TTC39B: variants seen among roughly 807,000 people sequenced by gnomAD.
TTC39B encodes tetratricopeptide repeat domain 39B, also known as tetratricopeptide repeat protein 39B.
In TTC39B, 92 loss-of-function variants were observed where a neutral mutation model predicts 96.6. The ratio of observed to expected loss-of-function variants is 0.95; its 90% CI spans 0.80 to 1.13. The LOEUF is 1.13. Among genes scored for constraint, TTC39B ranks in the 50% most tolerant of loss-of-function variants. The pLI is 0.00. For synonymous variants in TTC39B, 367 were observed against 299.4 expected (o/e 1.23, Z -2.33); for missense variants, 955 against 809.3 (o/e 1.18, Z -2.18).
Position 15,200,870 on chromosome 9 carries a change from G to T in TTC39B, c.760-945C>A, listed in dbSNP as rs192046173. ...AGAAAGTAGCCGGGCATGGTGGCGGGTGCCTGTAGTCGCAGCTACTCAGGA... is the reference window on the plus strand; with the variant it reads ...AGAAAGTAGCCGGGCATGGTGGCGGTTGCCTGTAGTCGCAGCTACTCAGGA... On this transcript the variant is annotated intron_variant, in intron 7 of 19. Coordinates refer to ENST00000512701, the Ensembl canonical transcript of TTC39B. Among the ~76,000 whole-genome samples the T allele has an allele frequency of 6.1e-3, 934 of 152,256 alleles. 10 individuals are homozygous for T. The highest frequency in any genetic ancestry group is 0.021 in the African/African-American group (880 of 41,548).
At chr9:15,307,061 C>A in intron 1 of TTC39B, 23 bp downstream of exon 1, 1 of 1,607,506 alleles carries the variant, frequency 6.2e-7, no homozygotes, top group Non-Finnish European at 8.5e-7. Context: ...GGGGCCGGGC[C>A]CGCAATCCCC....
intron 16 of TTC39B, among the ~76,000 whole-genome samples, chr9:15,184,469 A>G (rs1818413153): frequency 6.6e-6 from 1 of 152,056 alleles, no homozygotes; most frequent in Non-Finnish European, 1.5e-5. Flanking sequence ...GACTGCAGAC[A>G]TCGGTTACAC....
chr9:15,262,719 G>A (rs1369740711), intron 2 of TTC39B, among the ~76,000 whole-genome samples: 1 of 152,062 alleles, frequency 6.6e-6, no homozygotes, highest in Non-Finnish European at 1.5e-5. Flanking sequence ...ACAATTTAAG[G>A]CCTCCTTCAT....
At chr9:15,293,925 T>G (rs1244112584) in intron 1 of TTC39B, among the ~76,000 whole-genome samples, 1 of 152,204 alleles carries the variant, frequency 6.6e-6, no homozygotes, top group Non-Finnish European at 1.5e-5. Context: ...CACTTCCGTT[T>G]TCTGCACGTC....
chr9:15,190,819 A>G (rs1259410227), intron 10 of TTC39B, among the ~76,000 whole-genome samples, 157 bp from the exon 11 acceptor site: 1 of 152,222 alleles, frequency 6.6e-6, no homozygotes, highest in Non-Finnish European at 1.5e-5. Context: ...TATCACCGCA[A>G]GAGTGAACAT....
rs1176620101 is a variant in TTC39B, at chr9:15,306,339, C to T, written c.240+745G>A. Among the ~76,000 whole-genome samples the T allele has an allele frequency of 6.6e-6, 1 of 152,224 alleles. No individual in the cohort carries two copies. The highest frequency in any genetic ancestry group is 1.5e-5 in the Non-Finnish European group (1 of 68,028). On this transcript the variant is annotated intron_variant, in intron 1 of 19. Transcript: ENST00000512701. The surrounding 1 kb of genome is among the most constrained non-coding windows in gnomAD (Gnocchi z 5.1). ...TAGCCCCTGGGTGCTCAGGCCCGGG[C>T]GCGCCACGACTGAAGGAGTGGCTAA...
chr9:15,274,387 T>G (rs1440816256), intron 1 of TTC39B, among the ~76,000 whole-genome samples: 1 of 152,240 alleles, frequency 6.6e-6, no homozygotes, highest in Non-Finnish European at 1.5e-5. Context: ...AGTCGCATCT[T>G]ATCTGCAGTG....
At chr9:15,289,458 T>A (rs1260949306) in intron 1 of TTC39B, among the ~76,000 whole-genome samples, 34 of 152,242 alleles carry the variant, frequency 2.2e-4, no homozygotes, top group Admixed American at 2.2e-3. Flanking sequence ...ACACAGCCAC[T>A]ATGAGGCAGA....
intron 3 of TTC39B, among the ~76,000 whole-genome samples, chr9:15,223,893 G>A (rs1275391099): frequency 6.7e-6 from 1 of 150,362 alleles, no homozygotes; most frequent in Admixed American, 6.6e-5. Flanking sequence ...GATTAGGGAT[G>A]CCCACCCTGT....
intron 2 of TTC39B, among the ~76,000 whole-genome samples, chr9:15,232,939 G>C (rs1176207688): frequency 2.6e-5 from 4 of 152,102 alleles, no homozygotes; most frequent in South Asian, 2.1e-4. Context: ...GGCACGGTTC[G>C]AACACTCTGG....
In TTC39B at chr9:15,259,618, A is replaced by G. The variant is rs536456202; in HGVS notation, c.275+8296T>C. On this transcript the variant is annotated intron_variant, in intron 2 of 19. Coordinates refer to ENST00000512701, the Ensembl canonical transcript of TTC39B. ...ATATTCATATAAATGAATATTATTC[A>G]GCCATAAAAAGGAATGAAGTGCAGA... Among the ~76,000 whole-genome samples the G allele has an allele frequency of 1.2e-3, 179 of 152,372 alleles. 1 individual carries two copies. The highest frequency in any genetic ancestry group is 3.4e-3 in the African/African-American group (140 of 41,598).
intron 2 of TTC39B, among the ~76,000 whole-genome samples, chr9:15,233,968 C>T (rs1234140208): frequency 3.3e-5 from 5 of 150,892 alleles, no homozygotes; most frequent in South Asian, 2.1e-4. Context: ...TCTGCCCCGC[C>T]GCCCATCGTC....
At chr9:15,238,210 G>A (rs1214823871) in intron 2 of TTC39B, among the ~76,000 whole-genome samples, 1 of 152,076 alleles carries the variant, frequency 6.6e-6, no homozygotes, top group Non-Finnish European at 1.5e-5. Context: ...AACAAATGAG[G>A]ACACCCACTT....
At chr9:15,277,096 C>G (rs1823572041) in intron 1 of TTC39B, among the ~76,000 whole-genome samples, 1 of 152,186 alleles carries the variant, frequency 6.6e-6, no homozygotes, top group Non-Finnish European at 1.5e-5. Context: ...GCCTTTCACT[C>G]CCAGACCTTT....
intron 3 of TTC39B, among the ~76,000 whole-genome samples, chr9:15,221,916 T>A (rs754554447): frequency 6.6e-6 from 1 of 152,224 alleles, no homozygotes; most frequent in Non-Finnish European, 1.5e-5. Context: ...GCCCAATATG[T>A]CTCTAATAAA....
At chr9:15,212,821 A>C (rs1257799580) in intron 4 of TTC39B, among the ~76,000 whole-genome samples, 2 of 152,234 alleles carry the variant, frequency 1.3e-5, no homozygotes, top group African/African-American at 4.8e-5. Context: ...TCAGTGGCAG[A>C]GAAAGACTCG....
chr9:15,189,446 T>A, intron 13 of TTC39B, 128 bp downstream of exon 13: 1 of 909,496 alleles, frequency 1.1e-6, no homozygotes, highest in Non-Finnish European at 1.6e-6. Flanking sequence ...TACTTATATA[T>A]TTTTTTCTTT....
At chr9:15,193,037 C>G (rs1244175348) in intron 8 of TTC39B, among the ~76,000 whole-genome samples, 1 of 152,200 alleles carries the variant, frequency 6.6e-6, no homozygotes, top group African/African-American at 2.4e-5. Flanking sequence ...TGCAAGCGCT[C>G]AGCTCCTCCA....
At chr9:15,171,488 A>G (rs1414263745) in exon 20 of TTC39B, 1 of 152,264 alleles carries the variant, frequency 6.6e-6, no homozygotes, top group Non-Finnish European at 1.5e-5. Context: ...CAACCCATGA[A>G]GTACATTATA....
Sources: gnomAD v4.1 joint callset for allele counts (sites outside exome capture counted in the v4.1 genomes callset) on GRCh38, gnomAD v4.1.1 for gene constraint, Gnocchi (gnomAD v3.1) non-coding constraint, MANE v1.5 for transcripts, NCBI Gene and HGNC (gene_info 2026-07-23, HGNC 2026-07-21) for gene names.